Variants in OR6N1 observed in about 807,000 individuals in gnomAD.
OR6N1 encodes olfactory receptor family 6 subfamily N member 1.
For synonymous variants in OR6N1, 170 were observed against 150.7 expected (o/e 1.13, Z -0.94); for missense variants, 394 against 371.7 (o/e 1.06, Z -0.49).
At chr1:158,820,585 T>G in the OR6N1 span, among the ~76,000 whole-genome samples, 1 of 152,196 alleles carries the variant, frequency 6.6e-6, no homozygotes, top group Non-Finnish European at 1.5e-5. Context: ...TCATGCCTAA[T>G]AGAACACAAA....
At chr1:158,824,186 G>C in the OR6N1 span, among the ~76,000 whole-genome samples, 1 of 151,978 alleles carries the variant, frequency 6.6e-6, no homozygotes, top group Non-Finnish European at 1.5e-5. Flanking sequence ...TGTCTTTCCC[G>C]TGCTGTTCTC....
At chr1:158,781,768 C>T in the OR6N1 span, among the ~76,000 whole-genome samples, 1 of 152,192 alleles carries the variant, frequency 6.6e-6, no homozygotes. Context: ...TGTGGAGCTT[C>T]AGAAACCTTA....
intron 1 of OR6N1, among the ~76,000 whole-genome samples, chr1:158,770,471 T>G (rs889783834): frequency 6.6e-6 from 1 of 152,192 alleles, no homozygotes; most frequent in Non-Finnish European, 1.5e-5. Flanking sequence ...TTTTCCCTTT[T>G]TAAAAAATTT....
the OR6N1 span, among the ~76,000 whole-genome samples, chr1:158,797,438 A>AC: frequency 6.6e-6 from 1 of 152,172 alleles, no homozygotes; most frequent in African/African-American, 2.4e-5. Flanking sequence ...CTTCTCTGCA[A>AC]CCCCAGAAAC....
chr1:158,813,085 C>T, the OR6N1 span, among the ~76,000 whole-genome samples: 1 of 152,170 alleles, frequency 6.6e-6, no homozygotes, highest in Non-Finnish European at 1.5e-5. Flanking sequence ...TCTGACTTTT[C>T]AGATTGACAA....
At chr1:158,767,459 T>C (rs1422817965) in intron 1 of OR6N1, among the ~76,000 whole-genome samples, 1 of 152,248 alleles carries the variant, frequency 6.6e-6, no homozygotes, top group East Asian at 1.9e-4. Context: ...TTCTGGTTTA[T>C]TGCTTCTGTA....
chr1:158,777,859 A>G, the OR6N1 span, among the ~76,000 whole-genome samples: 23 of 152,186 alleles, frequency 1.5e-4, no homozygotes, highest in Non-Finnish European at 1.5e-5. Flanking sequence ...TTCAATATTT[A>G]CTTAATTTTT....
At chr1:158,815,395 C>T in the OR6N1 span, among the ~76,000 whole-genome samples, 1 of 152,060 alleles carries the variant, frequency 6.6e-6, no homozygotes, top group African/African-American at 2.4e-5. Context: ...ATTTTGCTAC[C>T]ACAACCACCT....
chr1:158,770,722 T>C (rs1284185750), intron 1 of OR6N1, among the ~76,000 whole-genome samples: 1 of 152,178 alleles, frequency 6.6e-6, no homozygotes, highest in Non-Finnish European at 1.5e-5. Flanking sequence ...AAACTTCATA[T>C]TTGTACTTAT....
At chr1:158,779,676 T>TA in the OR6N1 span, among the ~76,000 whole-genome samples, 11 of 152,272 alleles carry the variant, frequency 7.2e-5, no homozygotes, top group South Asian at 2.1e-4. Flanking sequence ...ACAGATATGT[T>TA]AAAAAAAGAA....
chr1:158,796,418 C>A, the OR6N1 span, among the ~76,000 whole-genome samples: 20 of 152,108 alleles, frequency 1.3e-4, no homozygotes, highest in Non-Finnish European at 5.9e-5. Flanking sequence ...TAGTTTCATT[C>A]TTTTTTCTTC....
At chr1:158,802,199 CTT>C in the OR6N1 span, among the ~76,000 whole-genome samples, 658 of 105,170 alleles carry the variant, frequency 6.3e-3, 7 homozygotes, top group African/African-American at 0.026. Context: ...CCTCATAGCA[CTT>C]TTTTTTTTTT....
At chr1:158,778,879 G>A in the OR6N1 span, among the ~76,000 whole-genome samples, 4 of 152,020 alleles carry the variant, frequency 2.6e-5, no homozygotes, top group South Asian at 2.1e-4. Context: ...TCAGCCGGGC[G>A]TGGTGGCGGG....
the OR6N1 span, among the ~76,000 whole-genome samples, chr1:158,822,518 T>C: frequency 6.6e-6 from 1 of 152,186 alleles, no homozygotes; most frequent in Non-Finnish European, 1.5e-5. Context: ...GTTGTTGGTA[T>C]ACAGGTATGC....
intron 1 of OR6N1, among the ~76,000 whole-genome samples, chr1:158,771,538 T>A (rs893921533): frequency 6.6e-6 from 1 of 152,236 alleles, no homozygotes. Flanking sequence ...CTTAGGTCCA[T>A]TGAAATCATA....
the OR6N1 span, among the ~76,000 whole-genome samples, chr1:158,807,525 A>C: frequency 6.6e-6 from 1 of 152,232 alleles, no homozygotes; most frequent in Admixed American, 6.5e-5. Context: ...GCTGGAGAGA[A>C]AAGAAGCGTG....
intron 1 of OR6N1, among the ~76,000 whole-genome samples, chr1:158,770,220 T>C (rs566645094): frequency 6.6e-6 from 1 of 152,266 alleles, no homozygotes; most frequent in African/African-American, 2.4e-5. Flanking sequence ...TCCACATAAC[T>C]CCAAAGACTT....
At chr1:158,800,983 G>C in the OR6N1 span, among the ~76,000 whole-genome samples, 1 of 152,178 alleles carries the variant, frequency 6.6e-6, no homozygotes, top group East Asian at 1.9e-4. Context: ...GGCATGAGAA[G>C]AGATCACAAT....
chr1:158,809,167 T>G, the OR6N1 span: 1 of 152,914 alleles, frequency 6.5e-6, no homozygotes, highest in Admixed American at 6.5e-5. Flanking sequence ...TACATGGGCG[T>G]GAACAGTCCA....
Sources: gnomAD v4.1 joint callset for allele counts (sites outside exome capture counted in the v4.1 genomes callset) on GRCh38, gnomAD v4.1.1 for gene constraint, MANE v1.5 for transcripts, NCBI Gene and HGNC (gene_info 2026-07-23, HGNC 2026-07-21) for gene names.